Variants in TMEM132D observed in about 807,000 individuals in gnomAD.
TMEM132D encodes the protein mature OL transmembrane protein.
Under a neutral mutation model 62.3 loss-of-function variants are expected in TMEM132D, and 21 were observed. The observed-to-expected ratio is 0.34, with a 90% CI of 0.24 to 0.49. TMEM132D has a LOEUF of 0.49. TMEM132D is among the 20% of genes least tolerant of loss of function. The pLI is 0.99. For synonymous variants in TMEM132D, 621 were observed against 575.6 expected, an observed-to-expected ratio of 1.08 and a Z score of -1.13; for missense variants, 1,346 against 1,402.8, an observed-to-expected ratio of 0.96 and a Z score of 0.65.
chr12:129,464,635 A>G (rs1197641454), intron 3 of TMEM132D, among the ~76,000 whole-genome samples: 1 of 152,072 alleles, frequency 6.6e-6, no homozygotes, highest in African/African-American at 2.4e-5. Flanking sequence ...ATCCATCTTG[A>G]ATTAATTTTT....
At chr12:129,509,035 A>T (rs903422984) in intron 3 of TMEM132D, among the ~76,000 whole-genome samples, 4 of 152,176 alleles carry the variant, frequency 2.6e-5, no homozygotes, top group Non-Finnish European at 4.4e-5. Context: ...ACCATATTGC[A>T]ATTCCTGATT....
intron 2 of TMEM132D, among the ~76,000 whole-genome samples, chr12:129,685,470 G>A (rs142474470): frequency 1.3e-5 from 2 of 152,198 alleles, no homozygotes; most frequent in South Asian, 2.1e-4. Flanking sequence ...GTCAAGAATT[G>A]AGGTTTGGGA....
At chr12:129,516,352 C>T (rs1218386653) in intron 3 of TMEM132D, among the ~76,000 whole-genome samples, 2 of 152,200 alleles carry the variant, frequency 1.3e-5, no homozygotes, top group African/African-American at 2.4e-5. Context: ...AGTCTGTTTT[C>T]ATGCTGCTGA....
chr12:129,550,946 C>T (rs34035108), intron 2 of TMEM132D, among the ~76,000 whole-genome samples: 16 of 152,176 alleles, frequency 1.1e-4, no homozygotes, highest in Admixed American at 1.0e-3. Context: ...AGATCAGCCT[C>T]CACCATCCTC....
intron 4 of TMEM132D, among the ~76,000 whole-genome samples, chr12:129,295,045 A>G (rs555744629): frequency 6.6e-6 from 1 of 152,262 alleles, no homozygotes; most frequent in East Asian, 1.9e-4. Context: ...TGCCCTCCAT[A>G]ATGTGGGTGG....
chr12:129,659,296 G>C (rs926596018), intron 2 of TMEM132D, among the ~76,000 whole-genome samples: 4 of 152,130 alleles, frequency 2.6e-5, no homozygotes, highest in Non-Finnish European at 5.9e-5. Context: ...GTGTGGGGTG[G>C]TTACTGATAC....
intron 1 of TMEM132D, among the ~76,000 whole-genome samples, chr12:129,728,400 A>G (rs1399728661): frequency 6.6e-6 from 1 of 152,170 alleles, no homozygotes; most frequent in African/African-American, 2.4e-5. Flanking sequence ...CCTTAATCTG[A>G]GTAATTATAA....
At chr12:129,902,339 C>G (rs1020496686) in intron 1 of TMEM132D, among the ~76,000 whole-genome samples, 1 of 152,166 alleles carries the variant, frequency 6.6e-6, no homozygotes, top group Non-Finnish European at 1.5e-5. Context: ...ACTGCTGAGA[C>G]GCTTCACTCT....
At chr12:129,725,930 A>G (rs928241172) in intron 1 of TMEM132D, among the ~76,000 whole-genome samples, 2 of 152,194 alleles carry the variant, frequency 1.3e-5, no homozygotes, top group Admixed American at 1.3e-4. Context: ...TTTTTGCACA[A>G]TATTTTCTAT....
chr12:129,123,791 TTCTC>T (rs149062699), intron 5 of TMEM132D, among the ~76,000 whole-genome samples: 6 of 151,748 alleles, frequency 4.0e-5, no homozygotes, highest in Non-Finnish European at 4.4e-5. Flanking sequence ...GAGGAAAAGC[TTCTC>T]TCTCTCTCTC....
intron 7 of TMEM132D, among the ~76,000 whole-genome samples, chr12:129,080,221 C>G (rs1874407501): frequency 6.6e-6 from 1 of 152,180 alleles, no homozygotes; most frequent in Non-Finnish European, 1.5e-5. Context: ...AAACAGACTT[C>G]CAGCTTTTCT....
chr12:129,768,672 G>C (rs138257586), intron 1 of TMEM132D, among the ~76,000 whole-genome samples: 196 of 152,264 alleles, frequency 1.3e-3, no homozygotes, highest in African/African-American at 4.5e-3. Flanking sequence ...AAAGATGGTA[G>C]AGGCGAAACA....
chr12:129,455,771 A>G (rs2135729256), intron 3 of TMEM132D, among the ~76,000 whole-genome samples: 1 of 152,330 alleles, frequency 6.6e-6, no homozygotes, highest in South Asian at 2.1e-4. Flanking sequence ...GCATGTCTGG[A>G]GATGCTGCTT....
intron 5 of TMEM132D, chr12:129,084,962 C>T (rs1208457064): frequency 3.7e-6 from 2 of 541,908 alleles, no homozygotes; most frequent in African/African-American, 3.9e-5. Context: ...GACTCCTCCC[C>T]AGGGGCTGCG....
At chr12:129,433,682 G>A (rs866559850) in intron 3 of TMEM132D, among the ~76,000 whole-genome samples, 10 of 152,274 alleles carry the variant, frequency 6.6e-5, no homozygotes, top group Middle Eastern at 6.8e-3. Flanking sequence ...CCCCAGAACT[G>A]GGGAAGCAGA....
chr12:129,435,961 T>C (rs1341962204), intron 3 of TMEM132D, among the ~76,000 whole-genome samples: 4 of 152,176 alleles, frequency 2.6e-5, no homozygotes, highest in Non-Finnish European at 5.9e-5. Context: ...TTTTGGTCAA[T>C]AAGATACAAG....
rs1306618304 is a variant in TMEM132D, at chr12:129,356,219, G to T, written c.1116-18402C>A. 8.4e-5 allele frequency among the ~76,000 whole-genome samples: 2 copies of T among 23,680 alleles called. 1 individual carries two copies. The highest frequency in any genetic ancestry group is 4.8e-4 in the African/African-American group (2 of 4,178). The allele number at this position is 23,680 out of a possible 152,430, so 15.5% of individuals were successfully genotyped here. The stretch of plus-strand genomic sequence containing the variant: ...TCGCCCAGGCTGGAGTGCAGTGGCG[G>T]GATCTCGGCTCACTGCAAGCTCCGC... On this transcript the variant is annotated intron_variant, in intron 3 of 8. Transcript: ENST00000422113.
intron 1 of TMEM132D, among the ~76,000 whole-genome samples, chr12:129,758,978 G>A (rs2137273224): frequency 6.6e-6 from 1 of 150,924 alleles, no homozygotes; most frequent in South Asian, 2.1e-4. Flanking sequence ...TTGTCTCCCA[G>A]GCTGGAGTGC....
chr12:129,225,382 G>A (rs2135575616), intron 4 of TMEM132D, among the ~76,000 whole-genome samples: 1 of 152,308 alleles, frequency 6.6e-6, no homozygotes, highest in South Asian at 2.1e-4. Context: ...CTTTGGCCAA[G>A]GTATGTCAGT....
Sources: gnomAD v4.1 joint callset for allele counts (sites outside exome capture counted in the v4.1 genomes callset) on GRCh38, gnomAD v4.1.1 for gene constraint, MANE v1.5 for transcripts, NCBI Gene and HGNC (gene_info 2026-07-23, HGNC 2026-07-21) for gene names.